PLCB1: variants seen among roughly 807,000 people sequenced by gnomAD.
PLCB1 encodes the protein 1-phosphatidylinositol 4,5-bisphosphate phosphodiesterase beta-1.
Under a neutral mutation model 161.8 loss-of-function variants are expected in PLCB1, and 46 were observed. The observed-to-expected ratio is 0.28, with a 90% CI of 0.22 to 0.36. The LOEUF is 0.36. PLCB1 is among the 10% of genes least tolerant of loss of function. The pLI is 1.00. For synonymous variants in PLCB1, 517 were observed against 503.7 expected, an observed-to-expected ratio of 1.03 and a Z score of -0.35; for missense variants, 1,016 against 1,472.5, an observed-to-expected ratio of 0.69 and a Z score of 5.07.
intron 23 of PLCB1, among the ~76,000 whole-genome samples, chr20:8,748,936 GA>G (rs1292238530): frequency 6.6e-6 from 1 of 152,092 alleles, no homozygotes; most frequent in African/African-American, 2.4e-5. Flanking sequence ...TGTATGCCTT[GA>G]ATTTACACAA....
chr20:8,192,327 G>A (rs2051978534), intron 2 of PLCB1, among the ~76,000 whole-genome samples: 1 of 151,788 alleles, frequency 6.6e-6, no homozygotes, highest in African/African-American at 2.4e-5. Flanking sequence ...TGCCCGAGAA[G>A]CTAATTTAAA....
At chr20:8,716,178 C>G in intron 12 of PLCB1, 86 bp from the exon 13 acceptor site, 1 of 923,432 alleles carries the variant, frequency 1.1e-6, no homozygotes, top group Non-Finnish European at 1.8e-6. Context: ...TTACTTCTTT[C>G]TGTAGTTAAT....
intron 3 of PLCB1, among the ~76,000 whole-genome samples, chr20:8,491,114 A>G (rs1982929661): frequency 6.6e-6 from 1 of 151,430 alleles, no homozygotes; most frequent in South Asian, 2.1e-4. Context: ...TTTGTGTCAT[A>G]TATATATATA....
intron 3 of PLCB1, among the ~76,000 whole-genome samples, chr20:8,458,310 T>A (rs181574102): frequency 6.6e-6 from 1 of 152,318 alleles, no homozygotes; most frequent in East Asian, 1.9e-4. Context: ...CTGGCCATTG[T>A]CCGTTTGTAT....
At chr20:8,328,613 T>C (rs1272349914) in intron 2 of PLCB1, among the ~76,000 whole-genome samples, 1 of 151,064 alleles carries the variant, frequency 6.6e-6, no homozygotes. Context: ...TATATATGAA[T>C]TATATAAACT....
chr20:8,876,351 T>A (rs1390696086), intron 31 of PLCB1, among the ~76,000 whole-genome samples: 1 of 152,192 alleles, frequency 6.6e-6, no homozygotes, highest in Non-Finnish European at 1.5e-5. Context: ...AGTTTGACAA[T>A]GTTATGCTAG....
intron 3 of PLCB1, among the ~76,000 whole-genome samples, chr20:8,403,528 A>G (rs1978652983): frequency 6.6e-6 from 1 of 152,190 alleles, no homozygotes; most frequent in Non-Finnish European, 1.5e-5. Flanking sequence ...GTTGGAATGG[A>G]GGGAATGCAG....
chr20:8,233,004 G>A, intron 2 of PLCB1, among the ~76,000 whole-genome samples: 1 of 152,096 alleles, frequency 6.6e-6, no homozygotes, highest in South Asian at 2.1e-4. Context: ...CACTCCAGGA[G>A]ATGGTTGCCT....
intron 6 of PLCB1, among the ~76,000 whole-genome samples, chr20:8,648,309 C>T (rs1240234263): frequency 6.6e-6 from 1 of 152,168 alleles, no homozygotes; most frequent in African/African-American, 2.4e-5. Context: ...CTGTAGCCCT[C>T]AAGCAGGGTT....
rs190675001 is a variant in PLCB1 at position 8,613,975 on chromosome 20, A to C, written c.247-14319A>C. 4.6e-4 allele frequency among the ~76,000 whole-genome samples: 70 copies of C among 152,276 alleles called. 1 individual carries two copies. The East Asian group carries it at 8.3e-3, about 18-fold the overall frequency. ...AACATATATATCAGGCAAAGGGTCA[A>C]TAAACACTTAAGCAGCCCAAAAAAA... On this transcript the variant is annotated intron_variant, in intron 3 of 31. Coordinates refer to ENST00000338037, the MANE Select transcript of PLCB1 (RefSeq NM_015192.4).
At chr20:8,455,987 G>T (rs1451751198) in intron 3 of PLCB1, among the ~76,000 whole-genome samples, 4 of 152,182 alleles carry the variant, frequency 2.6e-5, no homozygotes, top group African/African-American at 9.7e-5. Flanking sequence ...TCAAAACCAT[G>T]CAGTAAATTA....
intron 3 of PLCB1, among the ~76,000 whole-genome samples, chr20:8,592,805 G>C (rs904784547): frequency 6.6e-6 from 1 of 152,156 alleles, no homozygotes; most frequent in African/African-American, 2.4e-5. Context: ...TACACTGAGG[G>C]CCAAGACTCT....
At chr20:8,801,151 C>T (rs1032117260) in intron 31 of PLCB1, among the ~76,000 whole-genome samples, 2 of 152,140 alleles carry the variant, frequency 1.3e-5, no homozygotes, top group African/African-American at 2.4e-5. Context: ...ACTCTCTGCT[C>T]AGGCCACACT....
At chr20:8,490,061 G>C (rs1568696418) in intron 3 of PLCB1, among the ~76,000 whole-genome samples, 1 of 152,190 alleles carries the variant, frequency 6.6e-6, no homozygotes, top group Non-Finnish European at 1.5e-5. Flanking sequence ...CAAGAGAAGA[G>C]TCTAGTCCTG....
chr20:8,236,031 CAGTTAA>C (rs1283311360), intron 2 of PLCB1, among the ~76,000 whole-genome samples: 8 of 151,978 alleles, frequency 5.3e-5, no homozygotes, highest in African/African-American at 1.9e-4. Flanking sequence ...ACTACAAATT[CAGTTAA>C]AGTTAGGAAG....
intron 31 of PLCB1, among the ~76,000 whole-genome samples, chr20:8,827,915 G>T (rs1985787009): frequency 6.6e-6 from 1 of 152,242 alleles, no homozygotes; most frequent in African/African-American, 2.4e-5. Context: ...TACAACAGCT[G>T]CATTGAGTAG....
rs558225857 is a variant in PLCB1 at position 8,385,397 on chromosome 20, G to T, written c.246+13947G>T. Among the ~76,000 whole-genome samples, 381 of 152,336 alleles carry T rather than the reference G, an allele frequency of 2.5e-3. 3 individuals are homozygous for T. The highest frequency in any genetic ancestry group is 3.6e-3 in the Non-Finnish European group (243 of 68,028). On this transcript the variant is annotated intron_variant, in intron 3 of 31. Coordinates refer to ENST00000338037, the MANE Select transcript of PLCB1 (RefSeq NM_015192.4). ...CTGGCCCCAGGAGAGGAAAAGCATG[G>T]CCTGGAGCTGTAGAGATGGATGCTG...
intron 9 of PLCB1, among the ~76,000 whole-genome samples, chr20:8,679,222 C>G (rs6140685): frequency 0.081 from 12,388 of 152,176 alleles, 713 homozygotes; most frequent in East Asian, 0.17. Context: ...TCCCATGTAC[C>G]TGAAACAAGA....
At chr20:8,214,171 T>C (rs1209897084) in intron 2 of PLCB1, among the ~76,000 whole-genome samples, 1 of 152,110 alleles carries the variant, frequency 6.6e-6, no homozygotes, top group African/African-American at 2.4e-5. Context: ...ATTATATATA[T>C]GCTGATGAAA....
Sources: allele counts gnomAD v4.1 joint callset (sites outside exome capture counted in the v4.1 genomes callset), GRCh38; gene constraint gnomAD v4.1.1; transcripts MANE v1.5; gene names NCBI Gene and HGNC (gene_info 2026-07-23, HGNC 2026-07-21).